PHF14: variants seen among roughly 807,000 people sequenced by gnomAD.
The protein encoded by PHF14 is PHD finger protein 14.
PHF14 carries 55 observed loss-of-function variants against 117.9 expected under a neutral mutation model. That is an observed-to-expected ratio of 0.47 (90% CI 0.38 to 0.58). PHF14 has a LOEUF of 0.58. Ranked by LOEUF, PHF14 falls within the 20% of genes least tolerant of loss-of-function variation. The probability of loss-of-function intolerance (pLI) is 0.00; values close to 1 mark genes in which losing one functional copy is unlikely to be tolerated. For synonymous variants in PHF14, 409 were observed against 368.6 expected (o/e 1.11, Z -1.26); for missense variants, 978 against 1,122.2 (o/e 0.87, Z 1.84).
chr7:11,159,059 A>T (rs747598856), intron 17 of PHF14, among the ~76,000 whole-genome samples: 2 of 152,162 alleles, frequency 1.3e-5, no homozygotes, highest in African/African-American at 4.8e-5. Context: ...TATTTAAATC[A>T]GGCTATTTTA....
intron 16 of PHF14, among the ~76,000 whole-genome samples, chr7:11,064,900 G>A (rs947411029): frequency 5.3e-5 from 8 of 151,962 alleles, no homozygotes; most frequent in Non-Finnish European, 1.2e-4. Context: ...CTGAGTGATA[G>A]TAAGGTTCTT....
At chr7:11,039,106 G>C (rs1784418230) in intron 11 of PHF14, among the ~76,000 whole-genome samples, 1 of 151,214 alleles carries the variant, frequency 6.6e-6, no homozygotes, top group Non-Finnish European at 1.5e-5. Flanking sequence ...TGCTCTAACT[G>C]ATTGACCTGT....
intron 7 of PHF14, among the ~76,000 whole-genome samples, chr7:11,032,408 G>A (rs965041542): frequency 5.3e-5 from 8 of 151,932 alleles, no homozygotes; most frequent in African/African-American, 1.9e-4. Context: ...TGCCAGGTAA[G>A]GTTCTCAATG....
chr7:11,167,464 A>T (rs1789233748), intron 17 of PHF14, among the ~76,000 whole-genome samples: 1 of 152,206 alleles, frequency 6.6e-6, no homozygotes, highest in Admixed American at 6.5e-5. Flanking sequence ...CATACCTTTT[A>T]TTCGTTCATT....
rs780754100 is a variant in PHF14 at position 11,061,837 on chromosome 7, A to G, written c.2528A>G (p.His843Arg). The G allele has an allele frequency of 1.3e-6, 2 of 1,529,566 alleles. No homozygotes were observed. The highest frequency in any genetic ancestry group is 8.8e-7 in the Non-Finnish European group (1 of 1,138,920). 94.7% of individuals were successfully genotyped at this position (1,529,566 alleles called of 1,614,324 possible). ...KRSFVPEEEK[H>R]EERVPRERRQ... ...AGCTTCGTTCCTGAGGAAGAAAAAC[A>G]TGAGGTTGGAATAAGTTAAGCACTT... Residue 843 changes from histidine (H) to arginine (R), a missense_variant, in exon 15 of 18, where the codon CAT (histidine) becomes CGT (arginine). Around this residue, in one of 7 missense-constraint regions of PHF14, gnomAD observed 180 missense variants for 195.4 expected, o/e 0.92. Coordinates refer to ENST00000634607, the MANE Select transcript of PHF14 (RefSeq NM_001007157.2).
chr7:11,145,252 G>A (rs1788512562), intron 17 of PHF14, among the ~76,000 whole-genome samples: 1 of 149,394 alleles, frequency 6.7e-6, no homozygotes, highest in Admixed American at 6.8e-5. Context: ...CTTCATTTCA[G>A]TACTATTATA....
chr7:10,997,242 A>C, intron 4 of PHF14, among the ~76,000 whole-genome samples: 1 of 152,216 alleles, frequency 6.6e-6, no homozygotes, highest in East Asian at 1.9e-4. Flanking sequence ...ATTATTACTG[A>C]GAATATATCA....
chr7:11,022,702 G>A (rs1481725003), intron 5 of PHF14, among the ~76,000 whole-genome samples, 166 bp from the exon 6 acceptor site: 2 of 152,046 alleles, frequency 1.3e-5, no homozygotes, highest in South Asian at 2.1e-4. Flanking sequence ...TTATTCTGTA[G>A]GTGTTTCATA....
At chr7:11,138,477 A>G (rs960374897) in intron 17 of PHF14, among the ~76,000 whole-genome samples, 13 of 152,234 alleles carry the variant, frequency 8.5e-5, no homozygotes, top group Admixed American at 4.6e-4. Flanking sequence ...ATTTTTAAGC[A>G]AAGCCAGTTT....
At chr7:11,085,590 A>T (rs141746332) in intron 16 of PHF14, among the ~76,000 whole-genome samples, 26 of 152,180 alleles carry the variant, frequency 1.7e-4, no homozygotes, top group Non-Finnish European at 2.9e-5. Flanking sequence ...TCGTTTCAAC[A>T]TTTAACATTG....
chr7:11,028,103 C>G (rs1227850337), intron 6 of PHF14, among the ~76,000 whole-genome samples: 3 of 151,988 alleles, frequency 2.0e-5, no homozygotes. Flanking sequence ...TTTAATACAC[C>G]TAACTTACTG....
chr7:10,974,647 G>A lies in PHF14; in HGVS notation c.2-188G>A, dbSNP rs73277328. Among the ~76,000 whole-genome samples, 187 of 152,270 alleles carry A rather than the reference G, an allele frequency of 1.2e-3. 1 individual carries two copies. The highest frequency in any genetic ancestry group is 4.5e-3 in the African/African-American group (185 of 41,544). ...CAGGGCTGGAGCTGCCTTTGAAACTGCCCGTGGAGCTGTCCAGCCCTCCCC... is the reference window on the plus strand; with the variant it reads ...CAGGGCTGGAGCTGCCTTTGAAACTACCCGTGGAGCTGTCCAGCCCTCCCC... On this transcript the variant is annotated intron_variant, in intron 1 of 17. Transcript: ENST00000634607.
intron 3 of PHF14, among the ~76,000 whole-genome samples, chr7:10,987,238 C>T: frequency 6.6e-6 from 1 of 152,092 alleles, no homozygotes. Flanking sequence ...TTAACCTTTT[C>T]TAAAAATGTA....
Position 10,974,096 on chromosome 7 carries a change from C to T in PHF14, c.-228C>T. 1.9e-6 allele frequency: 1 copy of T among 519,186 alleles called. No homozygotes were observed. Among genetic ancestry groups the T allele is most frequent in the Non-Finnish European group, 3.5e-6 (1 of 288,854 alleles). 32.2% of individuals were successfully genotyped at this position (519,186 alleles called of 1,614,324 possible). A position where few individuals can be genotyped will look rare whatever the true frequency, so the allele number is the denominator to read the frequency against. On this transcript the variant is annotated 5_prime_UTR_variant, in exon 1 of 18. Transcript: ENST00000634607. Reference sequence around the variant, plus strand: ...GGAGGTCTTCTCCGGCCAGGGAGCGCTGTGGGAAGGGGCTCGAGCGGCCAG... The same window carrying T: ...GGAGGTCTTCTCCGGCCAGGGAGCGTTGTGGGAAGGGGCTCGAGCGGCCAG...
At chr7:11,109,798 A>ACTGTTGGTC (rs1787383312) in intron 16 of PHF14, 1 of 151,938 alleles carries the variant, frequency 6.6e-6, no homozygotes, top group South Asian at 2.1e-4. Context: ...TAAATAAAGT[A>ACTGTTGGTC]CTGTTGGTCC....
chr7:10,979,754 T>A (rs1781991807), intron 2 of PHF14, among the ~76,000 whole-genome samples: 1 of 152,062 alleles, frequency 6.6e-6, no homozygotes, highest in Non-Finnish European at 1.5e-5. Context: ...ACTAATTAGA[T>A]GAAGAAGTTA....
At chr7:11,062,992 A>G (rs1027950752) in intron 16 of PHF14, 2 of 822,018 alleles carry the variant, frequency 2.4e-6, no homozygotes, top group Non-Finnish European at 1.5e-6. Context: ...AAACATATTG[A>G]TAAAACAAAT....
intron 17 of PHF14, among the ~76,000 whole-genome samples, chr7:11,150,458 A>G (rs1361008083): frequency 6.6e-6 from 1 of 152,168 alleles, no homozygotes; most frequent in Non-Finnish European, 1.5e-5. Flanking sequence ...TGTCCTGAAC[A>G]TATGGCACAT....
At chr7:11,148,746 T>C (rs552749890) in intron 17 of PHF14, among the ~76,000 whole-genome samples, 97 of 152,324 alleles carry the variant, frequency 6.4e-4, no homozygotes, top group African/African-American at 2.1e-3. Context: ...ATAAGTTTAA[T>C]TCTTAAAATA....
Sources: gnomAD v4.1 joint callset for allele counts (sites outside exome capture counted in the v4.1 genomes callset) on GRCh38, gnomAD v4.1.1 for gene constraint, gnomAD v4.1.1 regional missense constraint, MANE v1.5 for transcripts, NCBI Gene and HGNC (gene_info 2026-07-23, HGNC 2026-07-21) for gene names.